TMEM135: variants seen among roughly 807,000 people sequenced by gnomAD.
TMEM135 encodes the protein peroxisomal membrane protein 52.
In TMEM135, 30 loss-of-function variants were observed where a neutral mutation model predicts 60.3. The ratio of observed to expected loss-of-function variants is 0.50; its 90% CI spans 0.37 to 0.68. TMEM135 has a LOEUF of 0.68. TMEM135 is among the 30% of genes least tolerant of loss of function. The pLI is 0.00. For synonymous variants in TMEM135, 190 were observed against 186.7 expected (o/e 1.02, Z -0.14); for missense variants, 468 against 548.8 (o/e 0.85, Z 1.47).
At chr11:87,283,678 T>C (rs1022297646) in intron 6 of TMEM135, among the ~76,000 whole-genome samples, 1 of 152,090 alleles carries the variant, frequency 6.6e-6, no homozygotes, top group Non-Finnish European at 1.5e-5. Context: ...GCCAAGATGG[T>C]GAAACCCTGT....
chr11:87,266,593 T>C (rs1031062099), intron 6 of TMEM135, among the ~76,000 whole-genome samples: 3 of 152,172 alleles, frequency 2.0e-5, no homozygotes, highest in Non-Finnish European at 1.5e-5. Flanking sequence ...CCCATGCTTA[T>C]AGCTTTAACT....
chr11:87,041,750 G>T (rs139228042), intron 1 of TMEM135, among the ~76,000 whole-genome samples: 94 of 152,320 alleles, frequency 6.2e-4, no homozygotes, highest in African/African-American at 2.2e-3. Context: ...ATGAGTGAAG[G>T]TATGAATGAA....
intron 6 of TMEM135, among the ~76,000 whole-genome samples, chr11:87,266,687 C>G (rs934678838): frequency 2.0e-5 from 3 of 152,116 alleles, no homozygotes; most frequent in Admixed American, 1.3e-4. Context: ...CCTCAGCTTC[C>G]CATTAGAAGG....
At position 87,322,794 on chromosome 11, in the gene TMEM135, C is replaced by CA. The variant is rs1417075465; in HGVS notation, c.*1462dup. ...GGCAAACAGAAACCCAACAAAAAGA[C>CA]AGACTCTGGTACTATGGTAACAGAG... On this transcript the variant is annotated 3_prime_UTR_variant, in exon 15 of 15. Coordinates refer to ENST00000305494, the MANE Select transcript of TMEM135 (RefSeq NM_022918.4). 4.4e-6 allele frequency: 2 copies of CA among 454,190 alleles called. No individual in the cohort carries two copies. The highest frequency in any genetic ancestry group is 4.0e-5 in the African/African-American group (2 of 49,966). 28.1% of individuals were successfully genotyped at this position (454,190 alleles called of 1,614,324 possible).
intron 3 of TMEM135, among the ~76,000 whole-genome samples, chr11:87,077,250 C>T (rs186452485): frequency 1.8e-4 from 28 of 152,350 alleles, no homozygotes; most frequent in Admixed American, 5.9e-4. Context: ...AACGTTTGGA[C>T]ATAGGCTTTT....
chr11:87,262,444 G>A (rs1287094702), intron 6 of TMEM135, among the ~76,000 whole-genome samples: 1 of 152,082 alleles, frequency 6.6e-6, no homozygotes, highest in Non-Finnish European at 1.5e-5. Context: ...TAAAATGTAG[G>A]TAATACCTCA....
At chr11:87,138,115 G>T (rs548715404) in intron 4 of TMEM135, among the ~76,000 whole-genome samples, 6 of 134,860 alleles carry the variant, frequency 4.4e-5, no homozygotes, top group South Asian at 4.8e-4. Flanking sequence ...CTTTTAGACT[G>T]AGTCTCGCTC....
chr11:87,056,975 G>A (rs912520770), intron 1 of TMEM135, among the ~76,000 whole-genome samples: 1 of 152,170 alleles, frequency 6.6e-6, no homozygotes, highest in Admixed American at 6.5e-5. Flanking sequence ...AGATGGCAGG[G>A]TATGAAAGAG....
chr11:87,064,279 C>T (rs1229348654), intron 1 of TMEM135, among the ~76,000 whole-genome samples: 1 of 140,732 alleles, frequency 7.1e-6, no homozygotes, highest in African/African-American at 2.7e-5. Context: ...TTTTTTTTTA[C>T]ACAAAGTATT....
At chr11:87,127,959 A>C (rs747374210) in intron 4 of TMEM135, among the ~76,000 whole-genome samples, 8 of 152,170 alleles carry the variant, frequency 5.3e-5, no homozygotes, top group Non-Finnish European at 1.2e-4. Context: ...TCTGCTTTGG[A>C]GGTGGGAGGA....
intron 1 of TMEM135, among the ~76,000 whole-genome samples, chr11:87,046,177 G>A (rs1244563464): frequency 2.6e-5 from 4 of 152,162 alleles, no homozygotes; most frequent in African/African-American, 4.8e-5. Flanking sequence ...AGGCTGAGGC[G>A]GGAGGATCAC....
At chr11:87,271,151 T>A (rs1384686251) in intron 6 of TMEM135, among the ~76,000 whole-genome samples, 1 of 152,168 alleles carries the variant, frequency 6.6e-6, no homozygotes. Context: ...TTGACTATAA[T>A]CTTTAGAAGA....
intron 4 of TMEM135, among the ~76,000 whole-genome samples, chr11:87,137,670 AT>A (rs11424291): frequency 2.0e-5 from 3 of 149,968 alleles, no homozygotes; most frequent in East Asian, 2.0e-4. Flanking sequence ...AAATCTCAGC[AT>A]TTTTTTTTTA....
chr11:87,248,963 C>T (rs1941355406), intron 6 of TMEM135, among the ~76,000 whole-genome samples: 1 of 152,070 alleles, frequency 6.6e-6, no homozygotes, highest in Non-Finnish European at 1.5e-5. Flanking sequence ...GATTTGGATC[C>T]TGCAACTTTA....
chr11:87,127,321 C>T (rs1231198982), intron 4 of TMEM135, among the ~76,000 whole-genome samples: 1 of 152,138 alleles, frequency 6.6e-6, no homozygotes, highest in Non-Finnish European at 1.5e-5. Flanking sequence ...CCATTCATTC[C>T]AAATTATTGC....
rs1357791126 is a variant in TMEM135 at position 87,163,284 on chromosome 11, G to GGTGTTT, written c.462+5880_462+5885dup. ...TTCCCACCTATGAGTGAGAATATGC[G>GGTGTTT]GTGTTTGGTTTTTTGTTCTTGCGAT... On this transcript the variant is annotated intron_variant, in intron 5 of 14. Transcript: ENST00000305494. 1.4e-4 allele frequency among the ~76,000 whole-genome samples: 20 copies of GGTGTTT among 142,070 alleles called. No individual in the cohort carries two copies. The East Asian group carries it at 3.9e-3, about 28-fold the overall frequency. The allele number at this position is 142,070 out of a possible 152,430, so 93.2% of individuals were successfully genotyped here. A position where few individuals can be genotyped will look rare whatever the true frequency, so the allele number is the denominator to read the frequency against.
rs1565463132 is a variant in TMEM135, at chr11:87,152,252, CT to C, written c.397-5082del. On this transcript the variant is annotated intron_variant, in intron 4 of 14. Coordinates refer to ENST00000305494, the MANE Select transcript of TMEM135 (RefSeq NM_022918.4). The stretch of plus-strand genomic sequence containing the variant: ...TGTTCTGTCTGTCCCTTATTGTGTT[CT>C]TTTTTTCTTTGTGGTTTATACTCTT... 2.6e-5 allele frequency among the ~76,000 whole-genome samples: 4 copies of C among 152,156 alleles called. No individual in the cohort carries two copies. The South Asian group carries it at 6.2e-4, about 24-fold the overall frequency.
chr11:87,180,672 A>G (rs769912542), intron 5 of TMEM135, among the ~76,000 whole-genome samples: 3 of 152,184 alleles, frequency 2.0e-5, no homozygotes, highest in Non-Finnish European at 4.4e-5. Flanking sequence ...ACATATGAGG[A>G]TAGAGTAAAT....
At chr11:87,274,865 T>C (rs1941939606) in intron 6 of TMEM135, among the ~76,000 whole-genome samples, 2 of 149,618 alleles carry the variant, frequency 1.3e-5, no homozygotes, top group African/African-American at 4.9e-5. Context: ...TATATGCATA[T>C]ATATTTATAT....
Sources: allele counts gnomAD v4.1 joint callset (sites outside exome capture counted in the v4.1 genomes callset), GRCh38; gene constraint gnomAD v4.1.1; transcripts MANE v1.5; gene names NCBI Gene and HGNC (gene_info 2026-07-23, HGNC 2026-07-21).